Variants in TRPM3 observed in about 807,000 individuals in gnomAD.
TRPM3 encodes transient receptor potential cation channel subfamily M member 3.
TRPM3 carries 77 observed loss-of-function variants against 181.2 expected under a neutral mutation model. The ratio of observed to expected loss-of-function variants is 0.42; its 90% CI spans 0.35 to 0.51. TRPM3 has a LOEUF of 0.51. TRPM3 is among the 20% of genes least tolerant of loss of function. The pLI, the probability that TRPM3 is intolerant of heterozygous loss-of-function variation, is 0.01. For synonymous variants in TRPM3, 745 were observed against 796.4 expected (o/e 0.94, Z 1.09); for missense variants, 1,759 against 2,196.7 (o/e 0.80, Z 3.98).
chr9:70,856,361 T>C (rs541230647), intron 3 of TRPM3, among the ~76,000 whole-genome samples: 135 of 152,274 alleles, frequency 8.9e-4, no homozygotes, highest in Non-Finnish European at 1.7e-3. Context: ...CTCAAAACCT[T>C]ACCGTGTATG....
chr9:71,286,502 T>C (rs2085288340), intron 1 of TRPM3, among the ~76,000 whole-genome samples: 1 of 152,124 alleles, frequency 6.6e-6, no homozygotes, highest in Non-Finnish European at 1.5e-5. Flanking sequence ...TGGTCATTTG[T>C]GACCAAAGGA....
intron 6 of TRPM3, among the ~76,000 whole-genome samples, chr9:70,804,188 G>A (rs1290812475): frequency 6.6e-6 from 1 of 152,036 alleles, no homozygotes; most frequent in Non-Finnish European, 1.5e-5. Context: ...AAATTAACTG[G>A]GCTTGGTGGC....
intron 1 of TRPM3, among the ~76,000 whole-genome samples, chr9:71,129,120 A>C (rs537625122): frequency 4.6e-5 from 7 of 152,196 alleles, no homozygotes; most frequent in Non-Finnish European, 8.8e-5. Context: ...TATTTTTGAC[A>C]GCCTTCCAAA....
intron 6 of TRPM3, 109 bp from the exon 7 acceptor site, chr9:70,784,388 C>T (rs1026139439): frequency 3.6e-5 from 44 of 1,219,332 alleles, no homozygotes; most frequent in South Asian, 4.9e-5. Flanking sequence ...TTACTGAGCA[C>T]GGGGGAGGTA....
intron 1 of TRPM3, among the ~76,000 whole-genome samples, chr9:71,306,922 C>T (rs1208113064): frequency 6.6e-6 from 1 of 152,204 alleles, no homozygotes; most frequent in African/African-American, 2.4e-5. Context: ...AGGATAACTC[C>T]ATATTGTTCC....
At chr9:71,285,492 T>C (rs1024903618) in intron 1 of TRPM3, among the ~76,000 whole-genome samples, 3 of 152,074 alleles carry the variant, frequency 2.0e-5, no homozygotes, top group Admixed American at 6.6e-5. Flanking sequence ...GAGACTGATG[T>C]GGCAGAAATG....
Position 71,323,978 on chromosome 9 carries a change from C to G in TRPM3, c.183+122675G>C, listed in dbSNP as rs550969149. Among the ~76,000 whole-genome samples, 45 of 152,196 alleles carry G rather than the reference C, an allele frequency of 3.0e-4. No homozygotes were observed. In the South Asian group the frequency reaches 3.1e-3, roughly 11 times the overall value. On this transcript the variant is annotated intron_variant, in intron 1 of 24. Transcript: ENST00000357533. ...GGGCTTCTGTCACAACCAGAGCTTC[C>G]TTAACTGAAGAACAGTGGTAGAGCC...
At chr9:71,238,722 C>A (rs867247101) in intron 1 of TRPM3, among the ~76,000 whole-genome samples, 2 of 152,186 alleles carry the variant, frequency 1.3e-5, no homozygotes, top group South Asian at 4.2e-4. Flanking sequence ...TGAAGGTTGT[C>A]AAGAAAACTT....
chr9:70,816,912 A>G (rs2092739889), intron 6 of TRPM3, among the ~76,000 whole-genome samples: 1 of 152,240 alleles, frequency 6.6e-6, no homozygotes, highest in African/African-American at 2.4e-5. Context: ...CTAGTGCAAG[A>G]CTTATCACTA....
At chr9:70,896,653 A>T (rs113566813) in intron 1 of TRPM3, among the ~76,000 whole-genome samples, 2,655 of 152,302 alleles carry the variant, frequency 0.017, 47 homozygotes, top group South Asian at 0.034. Context: ...CTATAGAGGT[A>T]CTTAATCACA....
Position 70,535,003 on chromosome 9 carries a change from A to G in TRPM3, c.*950T>C, listed in dbSNP as rs1423660754. The G allele has an allele frequency of 6.5e-6, 1 of 154,612 alleles. No homozygotes were observed. The highest frequency in any genetic ancestry group is 1.4e-5 in the Non-Finnish European group (1 of 71,230). The allele number at this position is 154,612 out of a possible 1,614,324, so 9.6% of individuals were successfully genotyped here. On this transcript the variant is annotated 3_prime_UTR_variant, in exon 26 of 26. Coordinates refer to ENST00000677713, the MANE Select transcript of TRPM3 (RefSeq NM_001366145.2). ...GAACGGTGAGAACAGAACATCCCAC[A>G]TGGCAATTTCAGGCTAGTTCTGTCC...
At chr9:71,248,254 C>T (rs558793966) in intron 1 of TRPM3, among the ~76,000 whole-genome samples, 1 of 152,310 alleles carries the variant, frequency 6.6e-6, no homozygotes, top group African/African-American at 2.4e-5. Flanking sequence ...AAATCAAATT[C>T]CTTCACTATG....
intron 22 of TRPM3, among the ~76,000 whole-genome samples, chr9:70,567,128 T>C (rs530601420): frequency 1.3e-5 from 2 of 152,310 alleles, no homozygotes; most frequent in Admixed American, 1.3e-4. Flanking sequence ...TAAGCTTGGA[T>C]GCGGGAAAAA....
intron 12 of TRPM3, among the ~76,000 whole-genome samples, chr9:70,631,855 T>C (rs2065915710): frequency 6.6e-6 from 1 of 152,190 alleles, no homozygotes. Context: ...AAAGAAGAGG[T>C]AAACTGGAGA....
chr9:71,106,580 G>A (rs2069640452), intron 1 of TRPM3, among the ~76,000 whole-genome samples: 1 of 152,044 alleles, frequency 6.6e-6, no homozygotes, highest in Non-Finnish European at 1.5e-5. Context: ...GCAGAACCAT[G>A]AGCCAAAATA....
chr9:71,423,391 A>G (rs1047176908), intron 1 of TRPM3, among the ~76,000 whole-genome samples: 1 of 152,122 alleles, frequency 6.6e-6, no homozygotes, highest in African/African-American at 2.4e-5. Context: ...TGTGATCTGC[A>G]TATGGGAGAA....
At chr9:70,947,060 CATTTT>C (rs1316100582) in intron 1 of TRPM3, among the ~76,000 whole-genome samples, 1 of 152,098 alleles carries the variant, frequency 6.6e-6, no homozygotes, top group African/African-American at 2.4e-5. Flanking sequence ...CATGTATACG[CATTTT>C]ATTTGGCATA....
rs554520058 is a variant in TRPM3, at chr9:71,037,532, C to T, written c.177+83646G>A. Among the ~76,000 whole-genome samples the T allele has an allele frequency of 7.2e-5, 11 of 152,378 alleles. 1 individual carries two copies. The South Asian group carries it at 2.1e-3, about 29-fold the overall frequency. On this transcript the variant is annotated intron_variant, in intron 1 of 25. Coordinates refer to ENST00000677713, the MANE Select transcript of TRPM3 (RefSeq NM_001366145.2). ...ACACTTATACGTGTGTGTGTGCACA[C>T]ATGCGTGTGCGCATCCTTTGCCCAT...
chr9:71,147,210 G>C lies in TRPM3; in HGVS notation c.184-282699C>G, dbSNP rs570871598. ...GAAAAAATAGAGTATTTTCATCGAG[G>C]AGATAGCTTCATGGATTTCTTAGTT... On this transcript the variant is annotated intron_variant, in intron 1 of 24. Transcript: ENST00000357533. Among the ~76,000 whole-genome samples, 4 of 152,246 alleles carry C rather than the reference G, an allele frequency of 2.6e-5. No homozygotes were observed. The East Asian group carries it at 7.7e-4, about 29-fold the overall frequency.
Sources: allele counts gnomAD v4.1 joint callset (sites outside exome capture counted in the v4.1 genomes callset), GRCh38; gene constraint gnomAD v4.1.1; transcripts MANE v1.5; gene names NCBI Gene and HGNC (gene_info 2026-07-23, HGNC 2026-07-21).